Variants in ZFHX3 observed in about 807,000 individuals in gnomAD.
The protein encoded by ZFHX3 is zinc finger homeobox protein 3.
A neutral mutation model predicts 279.1 loss-of-function variants in ZFHX3; 42 were observed. The ratio of observed to expected loss-of-function variants is 0.15; its 90% CI spans 0.12 to 0.19. The LOEUF (loss-of-function observed/expected upper bound fraction) is 0.19. Among genes scored for constraint, ZFHX3 ranks in the 10% least tolerant of loss-of-function variants. The probability of loss-of-function intolerance (pLI) is 1.00; values close to 1 mark genes in which losing one functional copy is unlikely to be tolerated. For missense variants in ZFHX3, 4,981 were observed against 4,754.0 expected (o/e 1.05, Z -1.40); for synonymous variants, 2,293 against 1,957.8 (o/e 1.17, Z -4.52).
chr16:73,724,099 T>C (rs1234829041), intron 1 of ZFHX3, among the ~76,000 whole-genome samples: 4 of 152,202 alleles, frequency 2.6e-5, no homozygotes, highest in African/African-American at 9.7e-5. Context: ...TATTCTTTTG[T>C]CTGGGGAGGG....
At chr16:73,590,109 T>C (rs758524880) in intron 2 of ZFHX3, among the ~76,000 whole-genome samples, 3 of 152,114 alleles carry the variant, frequency 2.0e-5, no homozygotes, top group Non-Finnish European at 4.4e-5. Context: ...ATTTTGGGCA[T>C]GGGAAAAGGA....
intron 5 of ZFHX3, among the ~76,000 whole-genome samples, chr16:73,183,754 G>C (rs562931459): frequency 6.6e-6 from 1 of 152,138 alleles, no homozygotes; most frequent in Non-Finnish European, 1.5e-5. Context: ...TCCAGGGTGC[G>C]TCCTTATCTG....
At chr16:73,525,242 C>G (rs752796967) in intron 2 of ZFHX3, among the ~76,000 whole-genome samples, 1 of 152,156 alleles carries the variant, frequency 6.6e-6, no homozygotes, top group Non-Finnish European at 1.5e-5. Flanking sequence ...ATCACTAAGT[C>G]ATGTCTACAT....
chr16:73,253,793 G>T (rs2013582872), intron 5 of ZFHX3, among the ~76,000 whole-genome samples: 2 of 152,110 alleles, frequency 1.3e-5, no homozygotes, highest in African/African-American at 4.8e-5. Flanking sequence ...GTGTAGGCAA[G>T]GAGCAGAGAC....
chr16:73,259,780 A>G (rs1162572342), intron 4 of ZFHX3, among the ~76,000 whole-genome samples: 3 of 152,250 alleles, frequency 2.0e-5, no homozygotes, highest in Non-Finnish European at 4.4e-5. Flanking sequence ...GAATTATAAT[A>G]TTTATGTGCA....
intron 5 of ZFHX3, among the ~76,000 whole-genome samples, chr16:73,152,147 AAAC>A (rs1487899996): frequency 6.6e-5 from 10 of 152,334 alleles, no homozygotes; most frequent in Non-Finnish European, 1.5e-4. Context: ...GAATTCATTC[AAAC>A]AACAAGTCAA....
At chr16:73,788,788 C>T (rs911059861) in intron 1 of ZFHX3, among the ~76,000 whole-genome samples, 14 of 151,010 alleles carry the variant, frequency 9.3e-5, no homozygotes, top group African/African-American at 1.9e-4. Flanking sequence ...TCCTGGCTAA[C>T]GTGGTGAAAC....
At chr16:73,009,895 C>T (rs747794759) in intron 1 of ZFHX3, among the ~76,000 whole-genome samples, 8 of 152,066 alleles carry the variant, frequency 5.3e-5, no homozygotes, top group Non-Finnish European at 1.2e-4. Context: ...GTGGCGCACG[C>T]CTGTAATCCC....
At chr16:73,494,899 C>T (rs1347083548) in intron 2 of ZFHX3, among the ~76,000 whole-genome samples, 2 of 152,064 alleles carry the variant, frequency 1.3e-5, no homozygotes, top group African/African-American at 4.8e-5. Context: ...ACCTGGGGCA[C>T]TGATACAAGT....
At chr16:73,064,713 G>T (rs1329110263) in intron 8 of ZFHX3, among the ~76,000 whole-genome samples, 4 of 152,154 alleles carry the variant, frequency 2.6e-5, no homozygotes, top group Non-Finnish European at 4.4e-5. Context: ...CCTTCATTTT[G>T]AATACATGGC....
At chr16:73,643,479 C>A (rs375939033) in intron 2 of ZFHX3, among the ~76,000 whole-genome samples, 1 of 152,148 alleles carries the variant, frequency 6.6e-6, no homozygotes, top group African/African-American at 2.4e-5. Flanking sequence ...GATGTGGCTA[C>A]GATATTAGGC....
At chr16:73,095,999 G>T (rs1407671869) in intron 7 of ZFHX3, among the ~76,000 whole-genome samples, 1 of 152,170 alleles carries the variant, frequency 6.6e-6, no homozygotes, top group Non-Finnish European at 1.5e-5. Context: ...CAGGAAAACA[G>T]TTAACAAGCT....
intron 4 of ZFHX3, among the ~76,000 whole-genome samples, chr16:73,295,814 G>A (rs903088225): frequency 2.0e-5 from 3 of 152,200 alleles, no homozygotes; most frequent in African/African-American, 7.2e-5. Context: ...AGATGCATAA[G>A]CAAGAAGAAT....
chr16:72,805,398 G>A (rs145134338), intron 7 of ZFHX3, among the ~76,000 whole-genome samples: 10 of 152,292 alleles, frequency 6.6e-5, no homozygotes, highest in Admixed American at 5.2e-4. Context: ...TATTCCAGGT[G>A]AAAGTATAGA....
chr16:72,810,106 G>A (rs1173740990), intron 7 of ZFHX3, among the ~76,000 whole-genome samples: 2 of 152,016 alleles, frequency 1.3e-5, no homozygotes, highest in Admixed American at 6.5e-5. Context: ...GGATGGTCTC[G>A]ATCTCCTGAC....
chr16:73,603,825 G>C (rs537207817), intron 2 of ZFHX3, among the ~76,000 whole-genome samples: 1 of 145,660 alleles, frequency 6.9e-6, no homozygotes, highest in South Asian at 2.2e-4. Flanking sequence ...CCAGGCTGGA[G>C]TGCAGTGGCG....
intron 8 of ZFHX3, among the ~76,000 whole-genome samples, chr16:73,065,463 T>C (rs962620213): frequency 2.0e-5 from 3 of 152,130 alleles, no homozygotes; most frequent in Non-Finnish European, 4.4e-5. Context: ...TGAGGGTTTT[T>C]TTTTTTCTTG....
intron 1 of ZFHX3, among the ~76,000 whole-genome samples, chr16:73,890,698 A>G (rs1218424409): frequency 6.6e-6 from 1 of 152,134 alleles, no homozygotes; most frequent in Non-Finnish European, 1.5e-5. Flanking sequence ...TCTTTCCTGT[A>G]CGTTACATCG....
chr16:73,122,510 T>C (rs139463924), intron 7 of ZFHX3, among the ~76,000 whole-genome samples: 2 of 152,234 alleles, frequency 1.3e-5, no homozygotes, highest in African/African-American at 4.8e-5. Flanking sequence ...CCTGGCCACA[T>C]ATAACTAATT....
Sources: allele counts gnomAD v4.1 joint callset (sites outside exome capture counted in the v4.1 genomes callset), GRCh38; gene constraint gnomAD v4.1.1; transcripts MANE v1.5; gene names NCBI Gene and HGNC (gene_info 2026-07-23, HGNC 2026-07-21).